The following FOXK2 variants were observed in gnomAD, a reference collection of about 807,000 sequenced individuals.
FOXK2 encodes the protein forkhead box K2.
A neutral mutation model predicts 53.3 loss-of-function variants in FOXK2; 24 were observed. The observed-to-expected ratio is 0.45, with a 90% confidence interval of 0.33 to 0.63. The LOEUF (loss-of-function observed/expected upper bound fraction) is 0.63, where lower values mean the gene tolerates loss of function less well. Among genes scored for constraint, FOXK2 ranks in the 30% least tolerant of loss-of-function variants. The pLI, the probability that FOXK2 is intolerant of heterozygous loss-of-function variation, is 0.03. For synonymous variants in FOXK2, 505 were observed against 407.1 expected, an observed-to-expected ratio of 1.24 and a Z score of -2.89; for missense variants, 952 against 910.5, an observed-to-expected ratio of 1.05 and a Z score of -0.59.
intron 1 of FOXK2, among the ~76,000 whole-genome samples, chr17:82,542,266 A>G (rs1035436813): frequency 2.0e-5 from 3 of 151,232 alleles, no homozygotes; most frequent in African/African-American, 4.9e-5. Flanking sequence ...GGTTCAGGCA[A>G]TTCTCCTGCC....
At position 82,559,223 on chromosome 17, in the gene FOXK2, G is replaced by C. The variant is rs115357616; in HGVS notation, c.420-4131G>C. 2.8e-3 allele frequency: 1,098 copies of C among 390,188 alleles called. 13 individuals carry two copies. The highest frequency in any genetic ancestry group is 0.02 in the African/African-American group (991 of 48,762). 24.2% of individuals were successfully genotyped at this position (390,188 alleles called of 1,614,324 possible). A position where few individuals can be genotyped will look rare whatever the true frequency, so the allele number is the denominator to read the frequency against. On this transcript the variant is annotated intron_variant, in intron 1 of 8. Transcript: ENST00000335255. ...AGTACAGTGTTTGATTTGGTGTCCT[G>C]AGTGTCTGTATGTGGATGTGGAGTG...
intron 8 of FOXK2, chr17:82,596,131 C>T (rs997079421): frequency 5.9e-6 from 5 of 846,500 alleles, no homozygotes; most frequent in Admixed American, 6.8e-5. Context: ...ACTGCGACCG[C>T]GATTGCAGGG....
At chr17:82,537,204 C>T (rs1253724098) in intron 1 of FOXK2, among the ~76,000 whole-genome samples, 3 of 152,012 alleles carry the variant, frequency 2.0e-5, no homozygotes, top group Admixed American at 6.6e-5. Flanking sequence ...GAAGGTTATT[C>T]CTGAGAAATT....
intron 1 of FOXK2, among the ~76,000 whole-genome samples, chr17:82,521,007 T>A (rs1023374868): frequency 6.6e-6 from 1 of 152,230 alleles, no homozygotes; most frequent in African/African-American, 2.4e-5. Context: ...GATAGGGAAC[T>A]GCCTATCCTG....
intron 1 of FOXK2, among the ~76,000 whole-genome samples, chr17:82,539,815 A>G (rs1211898110): frequency 6.6e-6 from 1 of 151,278 alleles, no homozygotes; most frequent in Non-Finnish European, 1.5e-5. Context: ...AAATACAAAA[A>G]ATTAGCTGGG....
chr17:82,526,443 G>T (rs1021155842), intron 1 of FOXK2, among the ~76,000 whole-genome samples: 12 of 152,208 alleles, frequency 7.9e-5, no homozygotes. Context: ...TGCATGTAAA[G>T]TGGGGACCTT....
At chr17:82,520,393 C>G in intron 1 of FOXK2, 86 bp downstream of exon 1, 2 of 1,125,088 alleles carry the variant, frequency 1.8e-6, no homozygotes, top group South Asian at 8.8e-5. Context: ...AGGCCCGGGA[C>G]CACCCACGAG....
chr17:82,550,273 C>T (rs967766407), intron 1 of FOXK2, among the ~76,000 whole-genome samples: 2 of 152,118 alleles, frequency 1.3e-5, no homozygotes, highest in South Asian at 2.1e-4. Context: ...TTTTAATTTG[C>T]CACTTGACTT....
chr17:82,591,304 C>G (rs1199474851), intron 8 of FOXK2, among the ~76,000 whole-genome samples: 1 of 152,060 alleles, frequency 6.6e-6, no homozygotes, highest in Non-Finnish European at 1.5e-5. Context: ...CAAACACAGG[C>G]GAGCCCATCC....
Position 82,585,864 on chromosome 17 carries a change from C to G in FOXK2, c.1280-40C>G, listed in dbSNP as rs768686753. On this transcript the variant is annotated intron_variant, in intron 6 of 8. Coordinates refer to ENST00000335255, the MANE Select transcript of FOXK2 (RefSeq NM_004514.4). ...TGTGAGAACCTTTGTTTGTAGAAGT[C>G]AGTATCTGTAAGTGTCAGTCCTGCT... 3.8e-6 allele frequency: 6 copies of G among 1,578,488 alleles called. No individual in the cohort carries two copies. In the African/African-American group the frequency reaches 4.0e-5, roughly 11 times the overall value.
At chr17:82,584,745 C>T (rs2045112935) in intron 6 of FOXK2, among the ~76,000 whole-genome samples, 1 of 152,092 alleles carries the variant, frequency 6.6e-6, no homozygotes, top group East Asian at 1.9e-4. Context: ...AGGGTTTCAC[C>T]ATGTTGGCCA....
chr17:82,585,482 G>A (rs959509373), intron 6 of FOXK2, among the ~76,000 whole-genome samples: 7 of 152,076 alleles, frequency 4.6e-5, no homozygotes, highest in Admixed American at 4.6e-4. Flanking sequence ...ACAGTAACAT[G>A]CCCGGTTAAT....
Position 82,601,841 on chromosome 17 carries a change from G to A in FOXK2, c.*342G>A, listed in dbSNP as rs1470341559. Reference sequence around the variant, plus strand: ...GCTGTGAGTGGGTCTCCCAAGACTAGGCCTCAGGACGCGGGGGGAGCCATC... The same window carrying A: ...GCTGTGAGTGGGTCTCCCAAGACTAAGCCTCAGGACGCGGGGGGAGCCATC... On this transcript the variant is annotated 3_prime_UTR_variant, in exon 9 of 9. Transcript: ENST00000335255. 4.5e-6 allele frequency: 1 copy of A among 221,570 alleles called. No individual in the cohort carries two copies. The highest frequency in any genetic ancestry group is 9.1e-6 in the Non-Finnish European group (1 of 110,482). The allele number at this position is 221,570 out of a possible 1,614,324, so 13.7% of individuals were successfully genotyped here.
chr17:82,587,125 C>G lies in FOXK2; in HGVS notation c.1639C>G (p.Gln547Glu), dbSNP rs766700565. ...ATLGTASRIIQTAQTTPVQTV... is the reference protein window; with the variant it reads ...ATLGTASRIIETAQTTPVQTV... ...GCTCGGCACTGCCAGCCGGATCATT[C>G]AGACGGCACAGACCACCCCGGTCCA... Residue 547 changes from glutamine (Q) to glutamate (E), a missense_variant, in exon 8 of 9, where the codon CAG (glutamine) becomes GAG (glutamate). Transcript: ENST00000335255. 2.5e-6 allele frequency: 4 copies of G among 1,612,268 alleles called. No homozygotes were observed. The highest frequency in any genetic ancestry group is 1.1e-5 in the South Asian group (1 of 91,048).
intron 7 of FOXK2, among the ~76,000 whole-genome samples, chr17:82,586,551 A>G (rs60560456): frequency 0.032 from 1,742 of 55,014 alleles, 251 homozygotes; most frequent in African/African-American, 0.072. Flanking sequence ...AGGTAGGCGG[A>G]GGGGAAAGGA....
intron 8 of FOXK2, among the ~76,000 whole-genome samples, chr17:82,597,438 C>G (rs1414294662): frequency 1.3e-5 from 2 of 152,180 alleles, no homozygotes; most frequent in Non-Finnish European, 2.9e-5. Flanking sequence ...TCCGGCACCT[C>G]CAGGGCTCTG....
chr17:82,527,383 C>T (rs779191890), intron 1 of FOXK2, among the ~76,000 whole-genome samples: 1 of 152,088 alleles, frequency 6.6e-6, no homozygotes, highest in Non-Finnish European at 1.5e-5. Context: ...AATCCCAGCA[C>T]TTTGGGAAGC....
At chr17:82,522,821 A>G (rs2044377711) in intron 1 of FOXK2, among the ~76,000 whole-genome samples, 1 of 151,758 alleles carries the variant, frequency 6.6e-6, no homozygotes, top group Non-Finnish European at 1.5e-5. Flanking sequence ...TTTGAGACGG[A>G]GTCTCGCTCT....
chr17:82,602,830 T>G lies in FOXK2; in HGVS notation c.*1331T>G, dbSNP rs1406270989. 6.6e-6 allele frequency: 1 copy of G among 152,178 alleles called. No homozygotes were observed. Among genetic ancestry groups the G allele is most frequent in the Non-Finnish European group, 1.5e-5 (1 of 67,998 alleles). The allele number at this position is 152,178 out of a possible 1,614,324, so 9.4% of individuals were successfully genotyped here. Reference sequence around the variant, plus strand: ...GGCCGAGGGCCGAGGGCCGTGCACATGGGGAGAGGGCGTCAGCCTGATGGC... The same window carrying G: ...GGCCGAGGGCCGAGGGCCGTGCACAGGGGGAGAGGGCGTCAGCCTGATGGC... On this transcript the variant is annotated 3_prime_UTR_variant, in exon 9 of 9. Transcript: ENST00000335255.
Sources: gnomAD v4.1 joint callset for allele counts (sites outside exome capture counted in the v4.1 genomes callset) on GRCh38, gnomAD v4.1.1 for gene constraint, MANE v1.5 for transcripts, NCBI Gene and HGNC (gene_info 2026-07-23, HGNC 2026-07-21) for gene names.